Variants in TCF12 observed in about 807,000 individuals in gnomAD.
The protein encoded by TCF12 is transcription factor 12, also known as DNA-binding protein HTF4.
A neutral mutation model predicts 86.0 loss-of-function variants in TCF12; 45 were observed. That is an observed-to-expected ratio of 0.52 (90% CI 0.41 to 0.67). The LOEUF (loss-of-function observed/expected upper bound fraction) is 0.67, where lower values mean the gene tolerates loss of function less well. Among genes scored for constraint, TCF12 ranks in the 30% least tolerant of loss-of-function variants. The pLI is 0.00. For synonymous variants in TCF12, 330 were observed against 299.6 expected, an observed-to-expected ratio of 1.10 and a Z score of -1.05; for missense variants, 881 against 859.9, an observed-to-expected ratio of 1.02 and a Z score of -0.31.
At chr15:57,236,069 C>T (rs1243804427) in intron 12 of TCF12, among the ~76,000 whole-genome samples, 3 of 152,136 alleles carry the variant, frequency 2.0e-5, no homozygotes, top group Non-Finnish European at 4.4e-5. Context: ...GCTCTGTCAT[C>T]CTGTGTTGTT....
rs988635157 is a variant in TCF12 at position 57,133,057 on chromosome 15, A to T, written c.326-33345A>T. On this transcript the variant is annotated intron_variant, in intron 5 of 20. Transcript: ENST00000333725. ...GCTAGGTTATTTTAGAAGGATGCAA[A>T]GCCTTTTTATCCTTCATACAAGATT... 6.3e-4 allele frequency among the ~76,000 whole-genome samples: 96 copies of T among 152,184 alleles called. 1 individual carries two copies. Among genetic ancestry groups the T allele is most frequent in the African/African-American group, 2.2e-3 (90 of 41,450 alleles).
intron 18 of TCF12, among the ~76,000 whole-genome samples, chr15:57,271,744 A>AT (rs1317782456): frequency 8.6e-5 from 13 of 152,046 alleles, no homozygotes; most frequent in South Asian, 6.2e-4. Flanking sequence ...TCGGCAATGT[A>AT]TTTTTTTTAA....
downstream of TCF12, chr15:57,290,911 A>G (rs1197186939): frequency 6.6e-6 from 1 of 152,168 alleles, no homozygotes; most frequent in East Asian, 1.9e-4. Context: ...AATAAAACCA[A>G]AGGGTCTTCT....
chr15:57,160,040 C>T (rs921674546), intron 5 of TCF12, among the ~76,000 whole-genome samples: 1 of 152,202 alleles, frequency 6.6e-6, no homozygotes. Context: ...TTGATAACAA[C>T]AGAGCACACA....
At chr15:57,264,867 C>T (rs2060775740) in intron 18 of TCF12, among the ~76,000 whole-genome samples, 1 of 152,010 alleles carries the variant, frequency 6.6e-6, no homozygotes, top group Admixed American at 6.6e-5. Context: ...GTAGCTGGGA[C>T]TACAGGTGCC....
intron 16 of TCF12, among the ~76,000 whole-genome samples, chr15:57,257,662 T>TA (rs71113093): frequency 3.8e-5 from 5 of 132,966 alleles, no homozygotes; most frequent in Non-Finnish European, 6.3e-5. Flanking sequence ...CCCTGTCTCT[T>TA]AAAAAAAAAA....
At chr15:57,087,045 C>T (rs1016616596) in intron 4 of TCF12, among the ~76,000 whole-genome samples, 2 of 147,564 alleles carry the variant, frequency 1.4e-5, no homozygotes, top group Non-Finnish European at 3.0e-5. Flanking sequence ...CCCTCTCTCT[C>T]CCTCTGTCTC....
rs181728673 is a variant in TCF12, at chr15:57,238,710, A to G, written c.1035+4603A>G. On this transcript the variant is annotated intron_variant, in intron 12 of 20. Transcript: ENST00000333725. The stretch of plus-strand genomic sequence containing the variant: ...TTAATCACTCAAGTTAAAAATATAT[A>G]TATTGGGCACCTACTTTTACAAGAT... Among the ~76,000 whole-genome samples the G allele has an allele frequency of 6.3e-3, 953 of 152,326 alleles. 8 individuals carry two copies. Among genetic ancestry groups the G allele is most frequent in the Middle Eastern group, 0.017 (5 of 294 alleles).
chr15:57,002,190 G>A (rs2064084874), intron 3 of TCF12, among the ~76,000 whole-genome samples: 1 of 152,286 alleles, frequency 6.6e-6, no homozygotes. Context: ...GATGGTGATT[G>A]TGTTGTGTGT....
intron 5 of TCF12, among the ~76,000 whole-genome samples, chr15:57,151,769 C>CAAA (rs11308647): frequency 7.0e-6 from 1 of 143,420 alleles, no homozygotes; most frequent in South Asian, 2.2e-4. Flanking sequence ...GACTCTGTCT[C>CAAA]AAAAAAAAAA....
intron 16 of TCF12, among the ~76,000 whole-genome samples, chr15:57,257,816 G>T (rs1326973639): frequency 6.6e-6 from 1 of 151,998 alleles, no homozygotes; most frequent in Non-Finnish European, 1.5e-5. Flanking sequence ...GCATTTCCTT[G>T]TTCTCATTAG....
chr15:57,001,975 A>T (rs1283423955), intron 3 of TCF12, among the ~76,000 whole-genome samples: 13 of 152,236 alleles, frequency 8.5e-5, no homozygotes, highest in Admixed American at 3.3e-4. Flanking sequence ...GAAACTTTCT[A>T]GAAAGAGAGA....
chr15:56,943,140 G>A (rs2060851860), intron 3 of TCF12, among the ~76,000 whole-genome samples: 1 of 152,082 alleles, frequency 6.6e-6, no homozygotes, highest in Non-Finnish European at 1.5e-5. Context: ...ATGATGCATA[G>A]CCTCTTATTT....
At chr15:57,170,694 ATATTATATATAATATATAATATATATAT>A (rs1226988088) in intron 6 of TCF12, among the ~76,000 whole-genome samples, 1 of 1,874 alleles carries the variant, frequency 5.3e-4, no homozygotes, top group African/African-American at 2.5e-3. Flanking sequence ...TATATAATAT[ATATTATATATAATATATAATATATATAT>A]TATATATTAT....
At chr15:57,226,055 A>G (rs943634519) in intron 8 of TCF12, among the ~76,000 whole-genome samples, 1 of 145,984 alleles carries the variant, frequency 6.9e-6, no homozygotes, top group African/African-American at 2.5e-5. Context: ...TAATTTAAAC[A>G]CTAAAAATCT....
At chr15:57,229,127 A>C (rs1456617225) in intron 8 of TCF12, among the ~76,000 whole-genome samples, 1 of 151,908 alleles carries the variant, frequency 6.6e-6, no homozygotes, top group East Asian at 1.9e-4. Context: ...GCTTGAGGAA[A>C]TCTATATAGA....
chr15:56,982,497 G>C (rs895323499), intron 3 of TCF12, among the ~76,000 whole-genome samples: 2 of 152,098 alleles, frequency 1.3e-5, no homozygotes, highest in Non-Finnish European at 2.9e-5. Flanking sequence ...CCTGATAACT[G>C]TCTGCATCAT....
At chr15:56,952,994 A>G (rs2061349818) in intron 3 of TCF12, among the ~76,000 whole-genome samples, 2 of 152,004 alleles carry the variant, frequency 1.3e-5, no homozygotes, top group Admixed American at 1.3e-4. Flanking sequence ...TTTTTTTTAT[A>G]GTACCTTGTA....
Position 57,221,935 on chromosome 15 carries a change from A to G in TCF12, c.580-9217A>G, listed in dbSNP as rs1200981001. 2.0e-5 allele frequency among the ~76,000 whole-genome samples: 3 copies of G among 152,074 alleles called. No individual in the cohort carries two copies. The East Asian group carries it at 5.8e-4, about 29-fold the overall frequency. On this transcript the variant is annotated intron_variant, in intron 8 of 20. Transcript: ENST00000333725. ...GGAAATGTCTGCTTGTCAATGCCTT[A>G]AAATAAAAACTAGCACTTTCATTAA...
Sources: allele counts gnomAD v4.1 joint callset (sites outside exome capture counted in the v4.1 genomes callset), GRCh38; gene constraint gnomAD v4.1.1; transcripts MANE v1.5; gene names NCBI Gene and HGNC (gene_info 2026-07-23, HGNC 2026-07-21).